CRISP1: variants seen among roughly 807,000 people sequenced by gnomAD.
CRISP1 encodes the protein cysteine rich secretory protein 1.
In CRISP1, 44 loss-of-function variants were observed where a neutral mutation model predicts 33.1. The ratio of observed to expected loss-of-function variants is 1.33; its 90% CI spans 1.05 to 1.71. The LOEUF (loss-of-function observed/expected upper bound fraction) is 1.71, where lower values mean the gene tolerates loss of function less well. CRISP1 is among the 40% of genes most tolerant of loss of function. The pLI is 0.00. For missense variants in CRISP1, 390 were observed against 301.2 expected, an observed-to-expected ratio of 1.29 and a Z score of -2.18; for synonymous variants, 103 against 98.7, an observed-to-expected ratio of 1.04 and a Z score of -0.26.
intron 1 of CRISP1, among the ~76,000 whole-genome samples, chr6:49,874,126 A>C (rs1771982502): frequency 1.3e-5 from 2 of 152,076 alleles, no homozygotes; most frequent in African/African-American, 2.4e-5. Flanking sequence ...ACAAATGAGG[A>C]GGGAGACATT....
chr6:49,856,883 A>G (rs1771511273), intron 2 of CRISP1, among the ~76,000 whole-genome samples: 1 of 152,150 alleles, frequency 6.6e-6, no homozygotes, highest in South Asian at 2.1e-4. Flanking sequence ...AAGGTAGCCA[A>G]TGGAATTCAA....
intron 1 of CRISP1, among the ~76,000 whole-genome samples, chr6:49,860,671 A>C (rs1326398730): frequency 6.6e-6 from 1 of 152,186 alleles, no homozygotes; most frequent in Non-Finnish European, 1.5e-5. Flanking sequence ...AACAAAAGAA[A>C]GATTTTAAAT....
chr6:49,858,857 C>T (rs781366219), intron 1 of CRISP1, among the ~76,000 whole-genome samples: 3 of 151,822 alleles, frequency 2.0e-5, no homozygotes, highest in Non-Finnish European at 4.4e-5. Context: ...TGGCACTTGC[C>T]TTCTCCACAA....
intron 1 of CRISP1, among the ~76,000 whole-genome samples, chr6:49,874,928 A>G (rs1772003559): frequency 1.3e-5 from 2 of 152,036 alleles, no homozygotes; most frequent in Non-Finnish European, 2.9e-5. Flanking sequence ...TAAGAGCCAT[A>G]TATGACGAAC....
At chr6:49,860,554 A>G (rs1324877095) in intron 1 of CRISP1, among the ~76,000 whole-genome samples, 1 of 152,200 alleles carries the variant, frequency 6.6e-6, no homozygotes, top group Non-Finnish European at 1.5e-5. Flanking sequence ...AGTAAATCAA[A>G]CAATTTTTTA....
intron 1 of CRISP1, among the ~76,000 whole-genome samples, chr6:49,874,072 G>A (rs1281068273): frequency 1.3e-5 from 2 of 151,804 alleles, no homozygotes; most frequent in Non-Finnish European, 2.9e-5. Context: ...ATACCATGTT[G>A]AATTTTTGTT....
At position 49,840,446 on chromosome 6, in the gene CRISP1, T is replaced by C. The variant is rs1406902634; in HGVS notation, c.533+452A>G. On this transcript the variant is annotated intron_variant, in intron 6 of 7. Coordinates refer to ENST00000335847, the MANE Select transcript of CRISP1 (RefSeq NM_001131.3). ...ACAGGGAAAGACACTTGGCTCTTTC[T>C]ATTTGTTTCCTTGTTAAGACTCCAC... Among the ~76,000 whole-genome samples, 5 of 152,210 alleles carry C rather than the reference T, an allele frequency of 3.3e-5. No individual in the cohort carries two copies. The South Asian group carries it at 8.3e-4, about 25-fold the overall frequency.
chr6:49,865,945 T>C (rs551317026), intron 1 of CRISP1, among the ~76,000 whole-genome samples: 68 of 152,306 alleles, frequency 4.5e-4, no homozygotes, highest in African/African-American at 1.6e-3. Flanking sequence ...TTACAGTCTG[T>C]AAAATAAATC....
chr6:49,875,431 C>T (rs951733648), intron 1 of CRISP1, among the ~76,000 whole-genome samples: 3 of 152,062 alleles, frequency 2.0e-5, no homozygotes, highest in Non-Finnish European at 2.9e-5. Flanking sequence ...ATTCCATGCT[C>T]ATGGATAGGA....
chr6:49,849,961 C>G (rs1316561662), intron 3 of CRISP1, among the ~76,000 whole-genome samples: 1 of 151,938 alleles, frequency 6.6e-6, no homozygotes, highest in Non-Finnish European at 1.5e-5. Context: ...TATAGCCTCT[C>G]TGGGCTGGGG....
chr6:49,873,204 G>C (rs1042587665), intron 1 of CRISP1, among the ~76,000 whole-genome samples: 2 of 151,708 alleles, frequency 1.3e-5, no homozygotes, highest in African/African-American at 4.8e-5. Context: ...AAAATAAAAA[G>C]GGATAAGCCA....
intron 6 of CRISP1, 59 bp from the exon 7 acceptor site, chr6:49,838,584 T>C (rs561377947): frequency 7.5e-7 from 1 of 1,325,318 alleles, no homozygotes; most frequent in East Asian, 2.3e-5. Flanking sequence ...CATAAAACTT[T>C]ACTCACAGTG....
chr6:49,847,018 G>T (rs1771196918), intron 4 of CRISP1, among the ~76,000 whole-genome samples: 1 of 152,108 alleles, frequency 6.6e-6, no homozygotes, highest in Non-Finnish European at 1.5e-5. Flanking sequence ...ACACACAGGT[G>T]TTCATAATAC....
At chr6:49,848,588 A>G (rs1267830469) in intron 3 of CRISP1, among the ~76,000 whole-genome samples, 2 of 152,152 alleles carry the variant, frequency 1.3e-5, no homozygotes, top group African/African-American at 4.8e-5. Flanking sequence ...GAAACAGACC[A>G]GAGTTACTTA....
chr6:49,863,569 T>C (rs1479613580), intron 1 of CRISP1, among the ~76,000 whole-genome samples: 1 of 152,258 alleles, frequency 6.6e-6, no homozygotes, highest in African/African-American at 2.4e-5. Flanking sequence ...TATTTAAATG[T>C]ATTTCTTTAC....
At chr6:49,872,660 C>T (rs1413341453) in intron 1 of CRISP1, among the ~76,000 whole-genome samples, 1 of 151,940 alleles carries the variant, frequency 6.6e-6, no homozygotes, top group Non-Finnish European at 1.5e-5. Flanking sequence ...AATAGGGAAT[C>T]GTTTCCCCAT....
chr6:49,845,719 T>A (rs12203684), intron 5 of CRISP1, among the ~76,000 whole-genome samples: 12,711 of 124,978 alleles, frequency 0.1, 741 homozygotes, highest in Non-Finnish European at 0.16. Flanking sequence ...AAAAAAAAAA[T>A]GGAAACAACT....
rs749846963 is a variant in CRISP1 at position 49,838,499 on chromosome 6, T to C, written c.560A>G (p.Glu187Gly). Residue 187 changes from glutamate (E) to glycine (G), a missense_variant, in exon 7 of 8, where the codon GAA (glutamate) becomes GGA (glycine). Coordinates refer to ENST00000335847, the MANE Select transcript of CRISP1 (RefSeq NM_001131.3). ...ACATGGGACGCCTGTCTTATAAGGT[T>C]CATTCTTTGTTTCAGGATCATTTCC... ...HEGNDPETKN[E>G]PYKTGVPCEA... The C allele has an allele frequency of 1.2e-6, 2 of 1,613,168 alleles. No individual in the cohort carries two copies. Among genetic ancestry groups the C allele is most frequent in the Admixed American group, 1.7e-5 (1 of 59,904 alleles).
At chr6:49,842,402 A>G (rs1771022286) in intron 5 of CRISP1, among the ~76,000 whole-genome samples, 1 of 152,188 alleles carries the variant, frequency 6.6e-6, no homozygotes, top group Admixed American at 6.5e-5. Context: ...AACTTAATTT[A>G]TTCATTTATT....
Sources: allele counts gnomAD v4.1 joint callset (sites outside exome capture counted in the v4.1 genomes callset), GRCh38; gene constraint gnomAD v4.1.1; transcripts MANE v1.5; gene names NCBI Gene and HGNC (gene_info 2026-07-23, HGNC 2026-07-21).